SLC4A10: variants seen among roughly 807,000 people sequenced by gnomAD.
The protein encoded by SLC4A10 is solute carrier family 4 member 10, also known as sodium-driven chloride bicarbonate exchanger.
In SLC4A10, 42 loss-of-function variants were observed where a neutral mutation model predicts 137.7. That is an observed-to-expected ratio of 0.30 (90% CI 0.24 to 0.39). The LOEUF is 0.39. SLC4A10 is among the 10% of genes least tolerant of loss of function. The pLI is 1.00. For synonymous variants in SLC4A10, 474 were observed against 464.1 expected, an observed-to-expected ratio of 1.02 and a Z score of -0.27; for missense variants, 925 against 1,355.0, an observed-to-expected ratio of 0.68 and a Z score of 4.98.
At chr2:161,878,586 A>G (rs776957029) in intron 8 of SLC4A10, among the ~76,000 whole-genome samples, 2 of 152,092 alleles carry the variant, frequency 1.3e-5, no homozygotes, top group African/African-American at 4.8e-5. Flanking sequence ...TTCTCAGATG[A>G]AAAACCAATA....
chr2:161,849,611 G>T (rs1169683242), intron 4 of SLC4A10, among the ~76,000 whole-genome samples: 1 of 152,028 alleles, frequency 6.6e-6, no homozygotes, highest in African/African-American at 2.4e-5. Context: ...CAAACATGAG[G>T]GGATGTTTAA....
intron 1 of SLC4A10, among the ~76,000 whole-genome samples, chr2:161,667,684 T>C (rs2039217633): frequency 6.6e-6 from 1 of 151,722 alleles, no homozygotes; most frequent in South Asian, 2.1e-4. Context: ...AATATATATG[T>C]ACATATGTGT....
intron 3 of SLC4A10, among the ~76,000 whole-genome samples, chr2:161,816,022 A>G (rs2125661805): frequency 6.6e-6 from 1 of 152,238 alleles, no homozygotes. Flanking sequence ...TTTCTCTAGT[A>G]CTAATCTTCT....
chr2:161,799,198 G>T (rs1030579281), intron 2 of SLC4A10, among the ~76,000 whole-genome samples: 1 of 151,360 alleles, frequency 6.6e-6, no homozygotes, highest in African/African-American at 2.4e-5. Context: ...GAAAGGACTC[G>T]CTCCTTTAAT....
chr2:161,837,833 G>A (rs75465194), intron 3 of SLC4A10, among the ~76,000 whole-genome samples: 7,443 of 152,218 alleles, frequency 0.049, 265 homozygotes, highest in Middle Eastern at 0.078. Context: ...TCGGGCCTTT[G>A]GGATGAAATT....
intron 18 of SLC4A10, among the ~76,000 whole-genome samples, chr2:161,950,424 G>A (rs1381616141): frequency 2.6e-5 from 4 of 151,710 alleles, no homozygotes; most frequent in Admixed American, 2.0e-4. Flanking sequence ...TTGGGATCTT[G>A]GGCAAGTTAC....
At chr2:161,787,011 G>A (rs1229020713) in intron 2 of SLC4A10, among the ~76,000 whole-genome samples, 7 of 151,750 alleles carry the variant, frequency 4.6e-5, no homozygotes, top group East Asian at 1.9e-4. Flanking sequence ...ATTGTCCTAT[G>A]TTCTTTTATG....
At chr2:161,961,379 G>A (rs142127980) in intron 21 of SLC4A10, among the ~76,000 whole-genome samples, 1 of 152,216 alleles carries the variant, frequency 6.6e-6, no homozygotes, top group Non-Finnish European at 1.5e-5. Flanking sequence ...AAATGAACTG[G>A]GAGAGGGAGA....
chr2:161,872,449 T>G, intron 7 of SLC4A10, 65 bp downstream of exon 7: 1 of 1,255,650 alleles, frequency 8.0e-7, no homozygotes. Context: ...CTACCCATTT[T>G]AAGAGGTGTT....
At chr2:161,827,471 A>G (rs946674723) in intron 3 of SLC4A10, among the ~76,000 whole-genome samples, 1 of 152,252 alleles carries the variant, frequency 6.6e-6, no homozygotes, top group Middle Eastern at 3.4e-3. Flanking sequence ...ACCTGCTTCA[A>G]TTTGTAAAGC....
At chr2:161,897,990 T>C (rs187151394) in intron 11 of SLC4A10, among the ~76,000 whole-genome samples, 37 of 152,282 alleles carry the variant, frequency 2.4e-4, no homozygotes, top group African/African-American at 7.5e-4. Context: ...GAGGCCAATA[T>C]TGTTTATGAT....
At chr2:161,975,201 T>A (rs997450456) in intron 24 of SLC4A10, among the ~76,000 whole-genome samples, 22 of 152,276 alleles carry the variant, frequency 1.4e-4, no homozygotes, top group Admixed American at 1.4e-3. Context: ...TGTTTTATCT[T>A]TTTTTTCTTT....
At chr2:161,889,748 A>AT (rs977856624) in intron 10 of SLC4A10, among the ~76,000 whole-genome samples, 3 of 151,728 alleles carry the variant, frequency 2.0e-5, no homozygotes, top group Non-Finnish European at 2.9e-5. Flanking sequence ...GGATTCACTG[A>AT]TTTTTTTGAA....
chr2:161,906,053 G>A (rs975383828), intron 15 of SLC4A10, among the ~76,000 whole-genome samples, 166 bp downstream of exon 15: 3 of 152,048 alleles, frequency 2.0e-5, no homozygotes, highest in Admixed American at 6.5e-5. Context: ...TTATTTAATC[G>A]GCCACTCATC....
intron 2 of SLC4A10, among the ~76,000 whole-genome samples, chr2:161,777,435 C>A (rs1388429375): frequency 6.6e-6 from 1 of 151,940 alleles, no homozygotes; most frequent in Non-Finnish European, 1.5e-5. Flanking sequence ...TTGCCAAATT[C>A]AATATGATGA....
intron 15 of SLC4A10, among the ~76,000 whole-genome samples, chr2:161,935,271 G>A (rs1041412595): frequency 6.6e-6 from 1 of 152,130 alleles, no homozygotes; most frequent in African/African-American, 2.4e-5. Context: ...GTGCCATGCT[G>A]CCTTGTAATA....
intron 8 of SLC4A10, 100 bp downstream of exon 8, chr2:161,874,105 A>G (rs2061321586): frequency 1.7e-6 from 2 of 1,175,320 alleles, no homozygotes; most frequent in Non-Finnish European, 1.2e-6. Flanking sequence ...AATGTATTCC[A>G]TCTGCCACTC....
Position 161,682,214 on chromosome 2 carries a change from G to T in SLC4A10, c.48+57648G>T, listed in dbSNP as rs369673835. Among the ~76,000 whole-genome samples the T allele has an allele frequency of 2.4e-4, 36 of 152,162 alleles. 1 individual carries two copies. In the South Asian group the frequency reaches 7.3e-3, roughly 31 times the overall value. On this transcript the variant is annotated intron_variant, in intron 1 of 26. Coordinates refer to ENST00000446997, the MANE Select transcript of SLC4A10 (RefSeq NM_001178015.2). ...ATATCCCCCTCTCGAATTTTAACAA[G>T]CTGAGTCTCAGAGAAATCTAGTAGT...
chr2:161,861,090 T>C (rs2060408987), intron 5 of SLC4A10, among the ~76,000 whole-genome samples: 1 of 152,222 alleles, frequency 6.6e-6, no homozygotes, highest in African/African-American at 2.4e-5. Context: ...TCATATGGCC[T>C]ACAATGCCTA....
Sources: gnomAD v4.1 joint callset for allele counts (sites outside exome capture counted in the v4.1 genomes callset) on GRCh38, gnomAD v4.1.1 for gene constraint, MANE v1.5 for transcripts, NCBI Gene and HGNC (gene_info 2026-07-23, HGNC 2026-07-21) for gene names.